Variants in KCNT1 observed in about 807,000 individuals in gnomAD.
The protein encoded by KCNT1 is potassium channel subfamily T member 1.
In KCNT1, 78 loss-of-function variants were observed where a neutral mutation model predicts 147.8. The ratio of observed to expected loss-of-function variants is 0.53; its 90% CI spans 0.44 to 0.64. The LOEUF (loss-of-function observed/expected upper bound fraction) is 0.64. KCNT1 is among the 30% of genes least tolerant of loss of function. The pLI is 0.00. For missense variants in KCNT1, 1,419 were observed against 1,750.3 expected (o/e 0.81, Z 3.38); for synonymous variants, 867 against 748.8 (o/e 1.16, Z -2.58).
intron 28 of KCNT1, chr9:135,785,823 A>AG: frequency 2.4e-6 from 1 of 422,476 alleles, no homozygotes; most frequent in Admixed American, 4.2e-5. Context: ...TGACACGCAG[A>AG]GGGGGTGACC....
At position 135,759,106 on chromosome 9, in the gene KCNT1, C is replaced by T. The variant is rs528409854; in HGVS notation, c.855-573C>T. ...CTGCCCCTCATGACAGACTGACAGA[C>T]ACAGAGCTGAGTGGGCAGATTGGGG... On this transcript the variant is annotated intron_variant, in intron 10 of 30. Transcript: ENST00000371757. Among the ~76,000 whole-genome samples, 10 of 152,352 alleles carry T rather than the reference C, an allele frequency of 6.6e-5. No individual in the cohort carries two copies. In the East Asian group the frequency reaches 1.4e-3, roughly 21 times the overall value.
intron 11 of KCNT1, among the ~76,000 whole-genome samples, chr9:135,764,026 C>T (rs1181667693): frequency 1.3e-5 from 2 of 152,206 alleles, no homozygotes; most frequent in Admixed American, 6.5e-5. Flanking sequence ...TTTTGTGTGG[C>T]AAGGCAGTGG....
intron 7 of KCNT1, 62 bp from the exon 8 acceptor site, chr9:135,757,094 C>T: frequency 1.1e-6 from 1 of 940,254 alleles, no homozygotes; most frequent in Non-Finnish European, 1.6e-6. Context: ...CCCTGCCCCT[C>T]CCCTGCTGGG....
At chr9:135,769,619 GCAGGCCCCATGCCAGGTGCCCAGGGGA>G (rs990050352) in intron 15 of KCNT1, among the ~76,000 whole-genome samples, 1 of 152,174 alleles carries the variant, frequency 6.6e-6, no homozygotes, top group African/African-American at 2.4e-5. Context: ...GGAACGGGGG[GCAGGCCCCATGCCAGGTGCCCAGGGGA>G]CAGGGGTCAG....
chr9:135,790,452 G>C (rs1015784291), intron 29 of KCNT1: 1 of 152,380 alleles, frequency 6.6e-6, no homozygotes, highest in Middle Eastern at 3.2e-3. Flanking sequence ...TGTGGACACA[G>C]GAGCTGGCAC....
chr9:135,790,317 C>A (rs1834397012), intron 29 of KCNT1: 1 of 152,288 alleles, frequency 6.6e-6, no homozygotes, highest in Non-Finnish European at 1.5e-5. Context: ...GTGTGTCTCC[C>A]TGCACAGCCT....
rs189159909 is a variant in KCNT1 at position 135,780,624 on chromosome 9, G to A, written c.2841+1154G>A. Reference sequence around the variant, plus strand: ...CAGCCTGAGGCGTAGGGGGATGCTCGGGCACCTGGTCTCAGCACAGGAGAG... The same window carrying A: ...CAGCCTGAGGCGTAGGGGGATGCTCAGGCACCTGGTCTCAGCACAGGAGAG... On this transcript the variant is annotated intron_variant, in intron 24 of 30. Coordinates refer to ENST00000371757, the MANE Select transcript of KCNT1 (RefSeq NM_020822.3). 3.2e-3 allele frequency among the ~76,000 whole-genome samples: 483 copies of A among 152,276 alleles called. 7 individuals are homozygous for A. The highest frequency in any genetic ancestry group is 0.017 in the Admixed American group (256 of 15,306).
intron 2 of KCNT1, among the ~76,000 whole-genome samples, chr9:135,720,333 C>A (rs565879472): frequency 6.6e-6 from 1 of 152,170 alleles, no homozygotes; most frequent in Non-Finnish European, 1.5e-5. Flanking sequence ...CTAGGAACAG[C>A]CCTGCCCTCC....
intron 12 of KCNT1, 57 bp from the exon 13 acceptor site, chr9:135,765,567 C>A: frequency 6.4e-7 from 1 of 1,560,606 alleles, no homozygotes. Context: ...GAAGGCAGGG[C>A]CGCCCGGGCG....
intron 17 of KCNT1, 148 bp from the exon 18 acceptor site, chr9:135,770,709 C>T (rs1420880379): frequency 2.3e-6 from 2 of 867,686 alleles, no homozygotes; most frequent in South Asian, 1.8e-5. Context: ...GACGGGAGGG[C>T]TCAGCCAAGG....
chr9:135,777,989 T>TCTCAGCTCCTCCCTGCG (rs1554777796), intron 21 of KCNT1, among the ~76,000 whole-genome samples: 9 of 151,002 alleles, frequency 6.0e-5, no homozygotes, highest in Non-Finnish European at 1.3e-4. Flanking sequence ...TCCTCCATGC[T>TCTCAGCTCCTCCCTGCG]CTCAGCTCCT....
At chr9:135,783,122 A>G (rs1452646554) in intron 24 of KCNT1, among the ~76,000 whole-genome samples, 1 of 152,092 alleles carries the variant, frequency 6.6e-6, no homozygotes, top group Non-Finnish European at 1.5e-5. Context: ...GAATGACCCG[A>G]GAGTTGGCCA....
rs576092541 is a variant in KCNT1 at position 135,724,683 on chromosome 9, A to C, written c.254+9963A>C. ...CCTATCCAATATCGGGGACGTGCTT[A>C]TACTTAAGACAATTATTTTCCATCT... is the stretch of plus-strand genomic sequence containing the variant. On this transcript the variant is annotated intron_variant, in intron 2 of 30. Transcript: ENST00000371757. Among the ~76,000 whole-genome samples, 162 of 152,360 alleles carry C rather than the reference A, an allele frequency of 1.1e-3. 1 individual carries two copies. Among genetic ancestry groups the C allele is most frequent in the African/African-American group, 3.8e-3 (160 of 41,592 alleles).
chr9:135,759,629 G>GC (rs1478683703), intron 10 of KCNT1, 50 bp from the exon 11 acceptor site: 6 of 1,540,956 alleles, frequency 3.9e-6, no homozygotes, highest in Admixed American at 3.9e-5. Context: ...AGGGGCCACG[G>GC]CCCCCCAGCT....
At chr9:135,786,151 C>T (rs774079750) in intron 28 of KCNT1, 46 bp from the exon 29 acceptor site, 21 of 1,549,828 alleles carry the variant, frequency 1.4e-5, no homozygotes, top group African/African-American at 2.8e-5. Flanking sequence ...GCGACCCTCC[C>T]GGCAGCCTCA....
intron 2 of KCNT1, chr9:135,742,834 G>C (rs765701874): frequency 1.4e-6 from 1 of 717,040 alleles, no homozygotes; most frequent in South Asian, 1.5e-5. Flanking sequence ...TGCAAGGGAG[G>C]AACTGTCTTG....
At chr9:135,775,839 G>A (rs949072276) in intron 20 of KCNT1, among the ~76,000 whole-genome samples, 17 of 152,216 alleles carry the variant, frequency 1.1e-4, no homozygotes, top group Admixed American at 3.9e-4. Context: ...GGCCTTCAGC[G>A]TCCTGCGTGG....
intron 2 of KCNT1, among the ~76,000 whole-genome samples, chr9:135,745,817 C>A (rs560281656): frequency 5.4e-4 from 83 of 152,318 alleles, no homozygotes; most frequent in African/African-American, 1.8e-3. Flanking sequence ...GGGTCTCAGC[C>A]CTGGGCCTCT....
At chr9:135,784,426 G>A (rs939169716) in intron 25 of KCNT1, 109 bp from the exon 26 acceptor site, 12 of 813,570 alleles carry the variant, frequency 1.5e-5, no homozygotes, top group Non-Finnish European at 2.2e-5. Flanking sequence ...TGGCGAGCCC[G>A]TGGCCGGTGG....
Sources: allele counts gnomAD v4.1 joint callset (sites outside exome capture counted in the v4.1 genomes callset), GRCh38; gene constraint gnomAD v4.1.1; transcripts MANE v1.5; gene names NCBI Gene and HGNC (gene_info 2026-07-23, HGNC 2026-07-21).